Variants in MCUB observed in about 807,000 individuals in gnomAD.
The protein encoded by MCUB is calcium uniporter regulatory subunit MCUb, mitochondrial.
In MCUB, 46 loss-of-function variants were observed where a neutral mutation model predicts 41.4. The observed-to-expected ratio is 1.11, with a 90% CI of 0.88 to 1.42. MCUB has a LOEUF of 1.42. Ranked by LOEUF, MCUB falls within the 40% of genes most tolerant of loss-of-function variation. MCUB has a pLI of 0.00. For missense variants in MCUB, 403 were observed against 404.9 expected (o/e 1.00, Z 0.04); for synonymous variants, 148 against 148.2 (o/e 1.00, Z 0.01).
chr4:109,566,358 T>C (rs1183991645), intron 1 of MCUB, among the ~76,000 whole-genome samples: 1 of 151,128 alleles, frequency 6.6e-6, no homozygotes, highest in Non-Finnish European at 1.5e-5. Context: ...TAGTCCCAGC[T>C]ACTCGGGAGG....
intron 1 of MCUB, among the ~76,000 whole-genome samples, chr4:109,653,239 C>T (rs1729002549): frequency 6.6e-6 from 1 of 151,942 alleles, no homozygotes; most frequent in Non-Finnish European, 1.5e-5. Flanking sequence ...ATTAGCCAGG[C>T]TTGGTGGCAT....
At chr4:109,569,567 G>T (rs1241328518) in intron 1 of MCUB, among the ~76,000 whole-genome samples, 2 of 137,596 alleles carry the variant, frequency 1.5e-5, no homozygotes, top group East Asian at 4.3e-4. Flanking sequence ...GCAGTGGTGC[G>T]ATTTTGGCTT....
intron 1 of MCUB, among the ~76,000 whole-genome samples, chr4:109,576,307 G>C (rs1456115412): frequency 6.6e-6 from 1 of 152,088 alleles, no homozygotes; most frequent in East Asian, 1.9e-4. Flanking sequence ...CTTACTTATG[G>C]TAAGTCAAGT....
intron 1 of MCUB, among the ~76,000 whole-genome samples, chr4:109,587,649 T>C (rs1245601991): frequency 6.6e-6 from 1 of 152,192 alleles, no homozygotes; most frequent in Admixed American, 6.5e-5. Context: ...GAAACAAGTT[T>C]ATAGGAAATC....
chr4:109,615,838 C>G (rs1728115275), intron 1 of MCUB, among the ~76,000 whole-genome samples: 4 of 152,194 alleles, frequency 2.6e-5, no homozygotes, highest in African/African-American at 7.2e-5. Flanking sequence ...CTCTTTTCTT[C>G]CAAGTGCACA....
rs974715865 is a variant in MCUB, at chr4:109,606,048, C to A, written c.99+45612C>A. Among the ~76,000 whole-genome samples the A allele has an allele frequency of 2.6e-5, 4 of 152,142 alleles. No homozygotes were observed. The East Asian group carries it at 7.7e-4, about 29-fold the overall frequency. On this transcript the variant is annotated intron_variant, in intron 1 of 7. Coordinates refer to ENST00000394650, the MANE Select transcript of MCUB (RefSeq NM_017918.5). ...GGAGTGCAGTGGTGCGATCTCTGCT[C>A]GCTGCAAGCTCCACCTCCTGGGTTC...
chr4:109,618,989 T>TCTCTC (rs36153862), intron 1 of MCUB, among the ~76,000 whole-genome samples: 1 of 133,732 alleles, frequency 7.5e-6, no homozygotes. Flanking sequence ...TCTCTCTCTC[T>TCTCTC]ACCTACCAAC....
chr4:109,580,753 T>C (rs1727152206), intron 1 of MCUB, among the ~76,000 whole-genome samples: 1 of 152,220 alleles, frequency 6.6e-6, no homozygotes, highest in Non-Finnish European at 1.5e-5. Context: ...TTTGCTTAAG[T>C]TCTTTGTAGA....
chr4:109,566,409 G>A (rs1413411477), intron 1 of MCUB, among the ~76,000 whole-genome samples: 1 of 151,046 alleles, frequency 6.6e-6, no homozygotes. Flanking sequence ...GGCAGAGCTT[G>A]TAGTGAGCCG....
At chr4:109,682,832 C>T (rs980911429) in intron 5 of MCUB, 90 bp downstream of exon 5, 2 of 980,730 alleles carry the variant, frequency 2.0e-6, no homozygotes, top group Non-Finnish European at 3.0e-6. Flanking sequence ...GAATGCTTTC[C>T]ATATGCTAAT....
chr4:109,665,661 T>C (rs746501331), intron 4 of MCUB, among the ~76,000 whole-genome samples: 5 of 152,170 alleles, frequency 3.3e-5, no homozygotes, highest in Non-Finnish European at 5.9e-5. Context: ...TGTTTTTTCA[T>C]TCATTTTGTT....
At chr4:109,634,252 G>A (rs1728539880) in intron 1 of MCUB, among the ~76,000 whole-genome samples, 1 of 152,028 alleles carries the variant, frequency 6.6e-6, no homozygotes, top group African/African-American at 2.4e-5. Context: ...GGAGGCCGAG[G>A]TGGGTGGATC....
At chr4:109,664,746 T>G (rs1729307514) in intron 4 of MCUB, among the ~76,000 whole-genome samples, 1 of 152,150 alleles carries the variant, frequency 6.6e-6, no homozygotes, top group South Asian at 2.1e-4. Context: ...AAAACCAGTG[T>G]TTAAGCTTTT....
intron 5 of MCUB, among the ~76,000 whole-genome samples, chr4:109,683,517 CCA>C (rs1379791891): frequency 6.6e-6 from 1 of 152,170 alleles, no homozygotes; most frequent in Non-Finnish European, 1.5e-5. Context: ...ACCCTGTCCT[CCA>C]CACAGTTACT....
At chr4:109,645,207 T>G (rs116526691) in intron 1 of MCUB, among the ~76,000 whole-genome samples, 15 of 152,274 alleles carry the variant, frequency 9.9e-5, no homozygotes, top group African/African-American at 3.6e-4. Flanking sequence ...AGGCTAAAAG[T>G]TATCTTAAAT....
chr4:109,634,196 A>G (rs1201782529), intron 1 of MCUB, among the ~76,000 whole-genome samples: 2 of 152,014 alleles, frequency 1.3e-5, no homozygotes, highest in Non-Finnish European at 2.9e-5. Flanking sequence ...AAGTGTCTCC[A>G]TGCAGGCCAG....
At chr4:109,668,350 G>A (rs1002500210) in intron 4 of MCUB, among the ~76,000 whole-genome samples, 4 of 152,046 alleles carry the variant, frequency 2.6e-5, no homozygotes, top group Non-Finnish European at 5.9e-5. Context: ...GCATTGTTCT[G>A]TCTTCTTGGA....
chr4:109,596,457 A>G (rs1727557182), intron 1 of MCUB, among the ~76,000 whole-genome samples: 1 of 150,432 alleles, frequency 6.6e-6, no homozygotes, highest in South Asian at 2.1e-4. Flanking sequence ...ACACCAGACC[A>G]GGTTAGACCT....
At chr4:109,567,549 C>G (rs1438425670) in intron 1 of MCUB, among the ~76,000 whole-genome samples, 1 of 123,918 alleles carries the variant, frequency 8.1e-6, no homozygotes, top group Non-Finnish European at 1.6e-5. Context: ...TGGCACGTGC[C>G]TGTAATCCCA....
Sources: allele counts gnomAD v4.1 joint callset (sites outside exome capture counted in the v4.1 genomes callset), GRCh38; gene constraint gnomAD v4.1.1; transcripts MANE v1.5; gene names NCBI Gene and HGNC (gene_info 2026-07-23, HGNC 2026-07-21).